CNTNAP5: variants seen among roughly 807,000 people sequenced by gnomAD.
The protein encoded by CNTNAP5 is contactin associated protein family member 5.
CNTNAP5 carries 72 observed loss-of-function variants against 150.2 expected under a neutral mutation model. That is an observed-to-expected ratio of 0.48 (90% CI 0.40 to 0.58). The LOEUF (loss-of-function observed/expected upper bound fraction) is 0.58. Ranked by LOEUF, CNTNAP5 falls within the 20% of genes least tolerant of loss-of-function variation. CNTNAP5 has a pLI of 0.00. For synonymous variants in CNTNAP5, 672 were observed against 619.8 expected, an observed-to-expected ratio of 1.08 and a Z score of -1.25; for missense variants, 1,636 against 1,626.2, an observed-to-expected ratio of 1.01 and a Z score of -0.10.
intron 21 of CNTNAP5, among the ~76,000 whole-genome samples, chr2:124,889,837 C>A (rs915479885): frequency 6.6e-6 from 1 of 151,842 alleles, no homozygotes; most frequent in African/African-American, 2.4e-5. Flanking sequence ...TGATTTAAAC[C>A]AAGACAGTAT....
chr2:124,637,744 G>A (rs1251236438), intron 12 of CNTNAP5, among the ~76,000 whole-genome samples: 2 of 152,140 alleles, frequency 1.3e-5, no homozygotes, highest in Admixed American at 1.3e-4. Context: ...CTTACCTACA[G>A]AAGAGATTTT....
chr2:124,035,257 A>G (rs1454472463), intron 1 of CNTNAP5, among the ~76,000 whole-genome samples: 1 of 152,052 alleles, frequency 6.6e-6, no homozygotes, highest in African/African-American at 2.4e-5. Flanking sequence ...CCATGTATGA[A>G]GTATCTCTTA....
chr2:124,681,448 T>G (rs1303727258), intron 13 of CNTNAP5, among the ~76,000 whole-genome samples: 16 of 151,930 alleles, frequency 1.1e-4, no homozygotes, highest in Admixed American at 1.0e-3. Flanking sequence ...CTGTTTTTCT[T>G]GTTGTTGCGT....
chr2:124,464,754 A>AATG (rs1280427762), intron 6 of CNTNAP5, among the ~76,000 whole-genome samples: 1 of 152,184 alleles, frequency 6.6e-6, no homozygotes, highest in Non-Finnish European at 1.5e-5. Flanking sequence ...CCTCATTTGT[A>AATG]ATGGCAGAAA....
At chr2:124,506,687 A>G (rs1014462308) in intron 8 of CNTNAP5, among the ~76,000 whole-genome samples, 2 of 152,166 alleles carry the variant, frequency 1.3e-5, no homozygotes, top group Non-Finnish European at 2.9e-5. Flanking sequence ...ACTGAATTGT[A>G]TTAGTTATCT....
At chr2:124,221,843 A>G in intron 2 of CNTNAP5, 34 bp downstream of exon 2, 1 of 1,390,660 alleles carries the variant, frequency 7.2e-7, no homozygotes, top group South Asian at 1.2e-5. Context: ...AATGCCAAGC[A>G]CTAAATAATT....
At chr2:124,491,809 A>G (rs1558925488) in intron 7 of CNTNAP5, among the ~76,000 whole-genome samples, 1 of 149,776 alleles carries the variant, frequency 6.7e-6, no homozygotes, top group Non-Finnish European at 1.5e-5. Context: ...GATGGTACCT[A>G]TTGTGGTTTC....
At chr2:124,778,979 T>A (rs1008093859) in intron 17 of CNTNAP5, among the ~76,000 whole-genome samples, 1 of 152,198 alleles carries the variant, frequency 6.6e-6, no homozygotes, top group African/African-American at 2.4e-5. Context: ...AGTGTTATCG[T>A]CCCTGTTTCA....
At chr2:124,420,044 T>A (rs1286997487) in intron 4 of CNTNAP5, among the ~76,000 whole-genome samples, 1 of 143,274 alleles carries the variant, frequency 7.0e-6, no homozygotes, top group Non-Finnish European at 1.5e-5. Flanking sequence ...CAGGCTGGAG[T>A]GCATGGCATG....
At chr2:124,029,220 G>T (rs1309759503) in intron 1 of CNTNAP5, among the ~76,000 whole-genome samples, 1 of 152,006 alleles carries the variant, frequency 6.6e-6, no homozygotes, top group African/African-American at 2.4e-5. Flanking sequence ...GATTCATAAA[G>T]CTCTTCAAAT....
chr2:124,907,487 A>G (rs1475322907), intron 22 of CNTNAP5, among the ~76,000 whole-genome samples: 1 of 148,740 alleles, frequency 6.7e-6, no homozygotes, highest in Non-Finnish European at 1.5e-5. Flanking sequence ...ATAAGAATAG[A>G]TATATAGATA....
intron 13 of CNTNAP5, among the ~76,000 whole-genome samples, chr2:124,656,269 A>T (rs1678456167): frequency 6.6e-6 from 1 of 152,150 alleles, no homozygotes; most frequent in African/African-American, 2.4e-5. Context: ...TCTAACTCAA[A>T]GTCTAGGCCC....
At chr2:124,341,290 A>G (rs1012814757) in intron 3 of CNTNAP5, among the ~76,000 whole-genome samples, 5 of 152,122 alleles carry the variant, frequency 3.3e-5, no homozygotes, top group Non-Finnish European at 5.9e-5. Flanking sequence ...ACTCAGAAAC[A>G]AGACATGGTT....
chr2:124,770,400 G>A lies in CNTNAP5; in HGVS notation c.2534-2399G>A, dbSNP rs535871644. Among the ~76,000 whole-genome samples the A allele has an allele frequency of 3.9e-5, 6 of 152,204 alleles. No homozygotes were observed. In the South Asian group the frequency reaches 6.2e-4, roughly 16 times the overall value. On this transcript the variant is annotated intron_variant, in intron 16 of 23. Transcript: ENST00000682447. ...GGGGGCAAGGCTAGTCACAGCCAGC[G>A]AAACAGCAAGCCCTCCCCAAACATG... is the stretch of plus-strand genomic sequence containing the variant.
chr2:124,452,954 G>A (rs1462992700), intron 6 of CNTNAP5, among the ~76,000 whole-genome samples: 1 of 152,076 alleles, frequency 6.6e-6, no homozygotes, highest in Non-Finnish European at 1.5e-5. Context: ...CTGATTATAT[G>A]ACAAAACAAT....
chr2:124,592,363 G>A (rs1910530), intron 11 of CNTNAP5, among the ~76,000 whole-genome samples: 65,974 of 150,784 alleles, frequency 0.44, 14,951 homozygotes, highest in East Asian at 0.8. Context: ...ATGTATACGT[G>A]TGTATATATA....
rs930946266 is a variant in CNTNAP5, at chr2:124,495,466, G to A, written c.1063-8826G>A. 3.3e-5 allele frequency among the ~76,000 whole-genome samples: 5 copies of A among 152,256 alleles called. No homozygotes were observed. In the South Asian group the frequency reaches 6.2e-4, roughly 19 times the overall value. On this transcript the variant is annotated intron_variant, in intron 7 of 23. Coordinates refer to ENST00000682447, the MANE Select transcript of CNTNAP5 (RefSeq NM_001367498.1). ...CCATCTCTGAGGCCAAAGGCAGCAT[G>A]TGGCTCTAGTAGTTCCCTGTTTACT... is the stretch of plus-strand genomic sequence containing the variant.
chr2:124,878,109 C>A lies in CNTNAP5; in HGVS notation c.3436+8347C>A, dbSNP rs150469440. ...AATGATATGAAAATTTCACACAATGCACAGTTCATTTTTCTGCTGAGAAGC... is the reference window on the plus strand; with the variant it reads ...AATGATATGAAAATTTCACACAATGAACAGTTCATTTTTCTGCTGAGAAGC... On this transcript the variant is annotated intron_variant, in intron 21 of 23. Transcript: ENST00000682447. Among the ~76,000 whole-genome samples the A allele has an allele frequency of 2.0e-5, 3 of 152,144 alleles. No individual in the cohort carries two copies. The East Asian group carries it at 5.8e-4, about 29-fold the overall frequency.
At chr2:124,869,556 T>A in intron 20 of CNTNAP5, 119 bp from the exon 21 acceptor site, 1 of 644,798 alleles carries the variant, frequency 1.6e-6, no homozygotes, top group Non-Finnish European at 2.8e-6. Context: ...TGAGAGAAAA[T>A]CTCAGAGGGG....
Sources: gnomAD v4.1 joint callset for allele counts (sites outside exome capture counted in the v4.1 genomes callset) on GRCh38, gnomAD v4.1.1 for gene constraint, MANE v1.5 for transcripts, NCBI Gene and HGNC (gene_info 2026-07-23, HGNC 2026-07-21) for gene names.